PRDM1: variants seen among roughly 807,000 people sequenced by gnomAD.
PRDM1 encodes PR/SET domain 1.
Under a neutral mutation model 62.8 loss-of-function variants are expected in PRDM1, and 13 were observed. The observed-to-expected ratio is 0.21, with a 90% CI of 0.13 to 0.33. The LOEUF is 0.33. Ranked by LOEUF, PRDM1 falls within the 10% of genes least tolerant of loss-of-function variation. The probability of loss-of-function intolerance (pLI) is 1.00; values close to 1 mark genes in which losing one functional copy is unlikely to be tolerated. For missense variants in PRDM1, 895 were observed against 1,058.8 expected, an observed-to-expected ratio of 0.85 and a Z score of 2.15; for synonymous variants, 396 against 417.6, an observed-to-expected ratio of 0.95 and a Z score of 0.63.
At chr6:106,044,309 T>C (rs894999287), upstream of PRDM1, among the ~76,000 whole-genome samples, 18 of 152,008 alleles carry the variant, frequency 1.2e-4, no homozygotes, top group African/African-American at 3.4e-4. Flanking sequence ...TTTAGAAGAA[T>C]TTAAAGTTAT....
upstream of PRDM1, among the ~76,000 whole-genome samples, chr6:106,043,537 A>G (rs1404379004): frequency 6.6e-6 from 1 of 151,928 alleles, no homozygotes; most frequent in Non-Finnish European, 1.5e-5. Context: ...TTTATTTATT[A>G]TTATTATTTT....
intron 2 of PRDM1, 109 bp downstream of exon 2, chr6:106,088,558 C>A: frequency 8.1e-7 from 1 of 1,241,202 alleles, no homozygotes; most frequent in Non-Finnish European, 1.1e-6. Context: ...CTGTAAGTAT[C>A]AGTAAATAAT....
chr6:106,053,112 A>G (rs1773205736), intron 1 of PRDM1, among the ~76,000 whole-genome samples: 1 of 152,072 alleles, frequency 6.6e-6, no homozygotes, highest in Non-Finnish European at 1.5e-5. Context: ...GAATGAATTG[A>G]TTTTTAGATT....
In PRDM1 at chr6:106,106,284, T is replaced by G. The variant is rs571633724; in HGVS notation, c.1774-87T>G. The G allele has an allele frequency of 3.3e-6, 5 of 1,510,396 alleles. No homozygotes were observed. Among genetic ancestry groups the G allele is most frequent in the Non-Finnish European group, 4.5e-6 (5 of 1,108,210 alleles). 93.6% of individuals were successfully genotyped at this position (1,510,396 alleles called of 1,614,324 possible). On this transcript the variant is annotated intron_variant, in intron 5 of 6. Coordinates refer to ENST00000369096, the MANE Select transcript of PRDM1 (RefSeq NM_001198.4). This position sits in a 1 kb window ranked among gnomAD's most constrained non-coding sequence, Gnocchi z 4.4. ...TGTCTTGATGCTTTTCTTAAGATATTTGCATCAACACTTGAGTCTTGGAGC... is the reference window on the plus strand; with the variant it reads ...TGTCTTGATGCTTTTCTTAAGATATGTGCATCAACACTTGAGTCTTGGAGC...
intron 2 of PRDM1, among the ~76,000 whole-genome samples, chr6:106,093,757 C>T (rs1019175611): frequency 5.9e-5 from 9 of 152,138 alleles, no homozygotes; most frequent in Middle Eastern, 3.4e-3. Context: ...TAATGACAAA[C>T]GGTGATTAAA....
chr6:106,039,813 T>A (rs1341020585), intron 1 of PRDM1, among the ~76,000 whole-genome samples: 1 of 152,218 alleles, frequency 6.6e-6, no homozygotes. Flanking sequence ...GAAATAAGTA[T>A]TTCTTGCTGA....
chr6:106,096,814 G>T (rs1329588435), intron 3 of PRDM1, among the ~76,000 whole-genome samples: 1 of 152,152 alleles, frequency 6.6e-6, no homozygotes, highest in Non-Finnish European at 1.5e-5. Context: ...AGATGTCTCA[G>T]GGATATTTAG....
chr6:106,046,319 G>C (rs528374064), upstream of PRDM1: 1 of 152,074 alleles, frequency 6.6e-6, no homozygotes, highest in East Asian at 1.9e-4. Context: ...GAGGTGGTTG[G>C]TCTCCAAGGT....
At chr6:106,049,390 A>C (rs947702400) in intron 1 of PRDM1, among the ~76,000 whole-genome samples, 5 of 152,180 alleles carry the variant, frequency 3.3e-5, no homozygotes, top group African/African-American at 9.7e-5. Flanking sequence ...CTTTCCATGC[A>C]TCCCTTTAGT....
At chr6:106,048,427 G>A (rs1171629586), upstream of PRDM1, among the ~76,000 whole-genome samples, 1 of 152,096 alleles carries the variant, frequency 6.6e-6, no homozygotes, top group Non-Finnish European at 1.5e-5. Context: ...ATATGAGTGT[G>A]TAGTTATGGG....
At chr6:106,103,979 G>A (rs1308005341) in intron 4 of PRDM1, among the ~76,000 whole-genome samples, 1 of 152,196 alleles carries the variant, frequency 6.6e-6, no homozygotes, top group Non-Finnish European at 1.5e-5. Context: ...ACTTCGCTAA[G>A]CTCCTTGGCA....
In PRDM1 at chr6:106,034,725, G is replaced by T. The variant is rs764210973; in HGVS notation, c.-67+41086G>T. 1.8e-3 allele frequency among the ~76,000 whole-genome samples: 242 copies of T among 137,178 alleles called. 5 individuals carry two copies. Among genetic ancestry groups the T allele is most frequent in the Non-Finnish European group, 7.8e-4 (51 of 65,774 alleles). The allele number at this position is 137,178 out of a possible 152,430, so 90.0% of individuals were successfully genotyped here. A position where few individuals can be genotyped will look rare whatever the true frequency, so the allele number is the denominator to read the frequency against. On this transcript the variant is annotated intron_variant, in intron 1 of 6. Transcript: ENST00000652320. Reference sequence around the variant, plus strand: ...TAGCTCACTGCAACCTCCACCTCCCGGGTTCAAGTGATTCTCCTGTCTCAG... The same window carrying T: ...TAGCTCACTGCAACCTCCACCTCCCTGGTTCAAGTGATTCTCCTGTCTCAG...
At chr6:106,073,312 A>G (rs1773551319) in intron 1 of PRDM1, among the ~76,000 whole-genome samples, 2 of 151,922 alleles carry the variant, frequency 1.3e-5, no homozygotes, top group South Asian at 4.1e-4. Context: ...ACAAGGTTTC[A>G]CTATGTTGGC....
intron 1 of PRDM1, among the ~76,000 whole-genome samples, chr6:106,076,734 A>G (rs1369480535): frequency 2.0e-5 from 3 of 152,238 alleles, no homozygotes; most frequent in Non-Finnish European, 4.4e-5. Context: ...TAACTTATTT[A>G]TCTTTGTTTT....
intron 1 of PRDM1, among the ~76,000 whole-genome samples, chr6:106,042,668 T>G (rs1773020437): frequency 1.3e-5 from 2 of 152,176 alleles, no homozygotes; most frequent in African/African-American, 4.8e-5. Flanking sequence ...TGGAGACAAA[T>G]TCTTCTCTTA....
chr6:106,049,075 C>G (rs1239992630), intron 1 of PRDM1, among the ~76,000 whole-genome samples: 1 of 152,136 alleles, frequency 6.6e-6, no homozygotes, highest in Non-Finnish European at 1.5e-5. Flanking sequence ...CTCGGCCTCC[C>G]CAAGTGCTGG....
At chr6:106,036,570 A>G (rs1161758312) in intron 1 of PRDM1, among the ~76,000 whole-genome samples, 1 of 152,192 alleles carries the variant, frequency 6.6e-6, no homozygotes, top group Non-Finnish European at 1.5e-5. Context: ...ACAAAACTAC[A>G]TCTTTGTACA....
At chr6:106,070,672 T>C (rs974801316) in intron 1 of PRDM1, among the ~76,000 whole-genome samples, 3 of 152,240 alleles carry the variant, frequency 2.0e-5, no homozygotes, top group Non-Finnish European at 2.9e-5. Flanking sequence ...AGTTTGTAAA[T>C]ATTTAGACAT....
intron 1 of PRDM1, among the ~76,000 whole-genome samples, chr6:106,086,968 A>G (rs887528296): frequency 2.0e-5 from 3 of 152,188 alleles, no homozygotes; most frequent in Non-Finnish European, 2.9e-5. Flanking sequence ...CTGAGGGAAA[A>G]ACAACTTTGC....
Sources: gnomAD v4.1 joint callset for allele counts (sites outside exome capture counted in the v4.1 genomes callset) on GRCh38, gnomAD v4.1.1 for gene constraint, Gnocchi (gnomAD v3.1) non-coding constraint, MANE v1.5 for transcripts, NCBI Gene and HGNC (gene_info 2026-07-23, HGNC 2026-07-21) for gene names.